CPM: variants seen among roughly 807,000 people sequenced by gnomAD.
CPM encodes carboxypeptidase M.
In CPM, 35 loss-of-function variants were observed where a neutral mutation model predicts 46.4. The observed-to-expected ratio is 0.75, with a 90% CI of 0.58 to 1.00. CPM has a LOEUF of 1.00. Among genes scored for constraint, CPM ranks in the 50% least tolerant of loss-of-function variants. The pLI is 0.00. For missense variants in CPM, 422 were observed against 530.4 expected (o/e 0.80, Z 2.01); for synonymous variants, 195 against 195.3 (o/e 1.00, Z 0.01).
intron 2 of CPM, among the ~76,000 whole-genome samples, chr12:68,919,858 C>T (rs1887962227): frequency 6.6e-6 from 1 of 152,200 alleles, no homozygotes; most frequent in Non-Finnish European, 1.5e-5. Context: ...TGAAATTTAA[C>T]TGTGCACATT....
chr12:68,864,308 T>C (rs1885337939), intron 7 of CPM, among the ~76,000 whole-genome samples: 1 of 152,056 alleles, frequency 6.6e-6, no homozygotes, highest in Non-Finnish European at 1.5e-5. Context: ...CCGGGCATGA[T>C]GGTGGGTGTC....
intron 1 of CPM, among the ~76,000 whole-genome samples, chr12:68,940,886 A>G (rs1888749033): frequency 6.6e-6 from 1 of 152,126 alleles, no homozygotes; most frequent in South Asian, 2.1e-4. Flanking sequence ...CTAAGTGTAC[A>G]GTGCAGTTGT....
chr12:68,873,814 CT>C (rs1028042803), intron 3 of CPM, among the ~76,000 whole-genome samples: 1 of 150,544 alleles, frequency 6.6e-6, no homozygotes, highest in Non-Finnish European at 1.5e-5. Flanking sequence ...CTTCCACTAC[CT>C]TTTTTTTTGA....
rs776910788 is a variant in CPM at position 68,870,269 on chromosome 12, T to C, written c.562A>G (p.Asn188Asp). The change falls in exon 5 of 9, where the codon AAC (asparagine) becomes GAC (aspartate). Residue 188 changes from asparagine (N) to aspartate (D), a missense_variant. Coordinates refer to ENST00000551568, the MANE Select transcript of CPM (RefSeq NM_198320.5). ...GCCACGAGGGCACCACCATGGAGGT[T>C]TGCAGAGAGGACAAACGTCTCTGTT... ...LKTETFVLSA[N>D]LHGGALVASY... 2.5e-6 allele frequency: 4 copies of C among 1,614,092 alleles called. No homozygotes were observed. The African/African-American group carries it at 4.0e-5, about 16-fold the overall frequency.
intron 2 of CPM, among the ~76,000 whole-genome samples, chr12:68,910,900 C>T (rs1887568104): frequency 6.6e-6 from 1 of 151,992 alleles, no homozygotes; most frequent in African/African-American, 2.4e-5. Flanking sequence ...AAGATAACTA[C>T]ATTATCGTTA....
intron 1 of CPM, among the ~76,000 whole-genome samples, chr12:68,942,040 G>T (rs1169181474): frequency 6.6e-6 from 1 of 152,210 alleles, no homozygotes; most frequent in East Asian, 1.9e-4. Flanking sequence ...GAAAGAATAT[G>T]TCTCAACTCA....
At chr12:68,963,087 C>T (rs1396791231) in intron 1 of CPM, 1 of 153,192 alleles carries the variant, frequency 6.5e-6, no homozygotes, top group Non-Finnish European at 1.5e-5. Flanking sequence ...AGTAAACTTT[C>T]TACATTGATC....
intron 3 of CPM, among the ~76,000 whole-genome samples, chr12:68,883,781 T>C (rs1399490593): frequency 6.6e-6 from 1 of 152,058 alleles, no homozygotes; most frequent in Non-Finnish European, 1.5e-5. Context: ...AGACAATGAA[T>C]GCCATATGTC....
At chr12:68,867,395 T>C (rs180931745) in intron 6 of CPM, among the ~76,000 whole-genome samples, 7 of 152,338 alleles carry the variant, frequency 4.6e-5, no homozygotes, top group Admixed American at 4.6e-4. Context: ...ACATTTTACA[T>C]GGATATAAGC....
At chr12:68,943,922 T>C (rs1257263834) in intron 1 of CPM, among the ~76,000 whole-genome samples, 1 of 152,152 alleles carries the variant, frequency 6.6e-6, no homozygotes, top group Admixed American at 6.5e-5. Context: ...TCTTTGTTAA[T>C]ACCCTGTACC....
At chr12:68,957,574 C>T (rs978549009) in intron 1 of CPM, 3 of 160,642 alleles carry the variant, frequency 1.9e-5, no homozygotes, top group Admixed American at 1.3e-4. Flanking sequence ...ACTGACTTTT[C>T]CTTCCAAAAT....
At chr12:68,888,861 A>G (rs1886539681) in intron 2 of CPM, among the ~76,000 whole-genome samples, 1 of 152,234 alleles carries the variant, frequency 6.6e-6, no homozygotes, top group Admixed American at 6.5e-5. Context: ...AGGATCAGGA[A>G]AAGTTTTACA....
chr12:68,868,496 T>C (rs974425532), intron 6 of CPM, among the ~76,000 whole-genome samples: 1 of 152,174 alleles, frequency 6.6e-6, no homozygotes, highest in Admixed American at 6.5e-5. Context: ...TAAAAGGGAA[T>C]GTTTTCCCCT....
At chr12:68,887,736 G>C (rs1886492056) in intron 2 of CPM, among the ~76,000 whole-genome samples, 1 of 152,162 alleles carries the variant, frequency 6.6e-6, no homozygotes, top group Non-Finnish European at 1.5e-5. Context: ...ATATACTAGA[G>C]TGTGACATAT....
At chr12:68,884,898 G>A (rs1886363259) in intron 3 of CPM, among the ~76,000 whole-genome samples, 4 of 152,126 alleles carry the variant, frequency 2.6e-5, no homozygotes, top group Admixed American at 2.6e-4. Flanking sequence ...GTTTATCCCT[G>A]CTAAGTTGGA....
chr12:68,882,035 T>G (rs1362113727), intron 3 of CPM, among the ~76,000 whole-genome samples: 1 of 151,262 alleles, frequency 6.6e-6, no homozygotes, highest in African/African-American at 2.4e-5. Flanking sequence ...TTTTTTTTTT[T>G]TTTTTTTTTT....
intron 3 of CPM, among the ~76,000 whole-genome samples, chr12:68,877,521 G>T (rs1338128758): frequency 2.0e-5 from 3 of 152,126 alleles, no homozygotes; most frequent in Admixed American, 6.5e-5. Flanking sequence ...AGAGGCACAG[G>T]CTAACAATTA....
intron 1 of CPM, among the ~76,000 whole-genome samples, chr12:68,938,967 C>T (rs929405548): frequency 3.4e-5 from 5 of 146,730 alleles, no homozygotes; most frequent in African/African-American, 1.2e-4. Context: ...ATACATAGTA[C>T]ATATATGTAA....
At chr12:68,912,745 T>G (rs2136294744) in intron 2 of CPM, among the ~76,000 whole-genome samples, 1 of 152,344 alleles carries the variant, frequency 6.6e-6, no homozygotes, top group African/African-American at 2.4e-5. Context: ...CTCACTAGAC[T>G]GTGTGTACCT....
Sources: gnomAD v4.1 joint callset for allele counts (sites outside exome capture counted in the v4.1 genomes callset) on GRCh38, gnomAD v4.1.1 for gene constraint, MANE v1.5 for transcripts, NCBI Gene and HGNC (gene_info 2026-07-23, HGNC 2026-07-21) for gene names.